The following EXOC4 variants were observed in gnomAD, a reference collection of about 807,000 sequenced individuals.
EXOC4 encodes exocyst complex component 4.
EXOC4 carries 71 observed loss-of-function variants against 107.2 expected under a neutral mutation model. The ratio of observed to expected loss-of-function variants is 0.66; its 90% CI spans 0.55 to 0.81. The LOEUF (loss-of-function observed/expected upper bound fraction) is 0.81, where lower values mean the gene tolerates loss of function less well. Ranked by LOEUF, EXOC4 falls within the 30% of genes least tolerant of loss-of-function variation. The pLI is 0.00. For synonymous variants in EXOC4, 456 were observed against 441.2 expected, an observed-to-expected ratio of 1.03 and a Z score of -0.42; for missense variants, 1,108 against 1,189.6, an observed-to-expected ratio of 0.93 and a Z score of 1.01.
chr7:133,768,847 A>T (rs1796189641), intron 10 of EXOC4, among the ~76,000 whole-genome samples: 1 of 151,914 alleles, frequency 6.6e-6, no homozygotes, highest in Non-Finnish European at 1.5e-5. Flanking sequence ...TAAGTAGATA[A>T]TTATGAAATA....
chr7:133,633,171 T>G (rs969339210), intron 10 of EXOC4, among the ~76,000 whole-genome samples: 1 of 152,144 alleles, frequency 6.6e-6, no homozygotes. Context: ...CACCACATAT[T>G]GGCGAGGACA....
At chr7:133,922,370 T>G (rs1168553143) in intron 13 of EXOC4, among the ~76,000 whole-genome samples, 1 of 152,168 alleles carries the variant, frequency 6.6e-6, no homozygotes, top group East Asian at 1.9e-4. Flanking sequence ...TAGACTAGTT[T>G]AATCTATTTT....
chr7:133,789,611 C>T (rs780826177), intron 10 of EXOC4, among the ~76,000 whole-genome samples: 2 of 152,108 alleles, frequency 1.3e-5, no homozygotes, highest in Non-Finnish European at 1.5e-5. Context: ...TGGTCTACTT[C>T]GATGACTGTA....
At chr7:134,088,369 C>T in the EXOC4 span, among the ~76,000 whole-genome samples, 2 of 152,236 alleles carry the variant, frequency 1.3e-5, no homozygotes, top group East Asian at 1.9e-4. Context: ...TCTGGAGAAA[C>T]TAGGTAAACA....
At chr7:134,004,442 G>A (rs114830430) in intron 15 of EXOC4, among the ~76,000 whole-genome samples, 1 of 152,262 alleles carries the variant, frequency 6.6e-6, no homozygotes, top group African/African-American at 2.4e-5. Context: ...GCTGGTGATT[G>A]AAGCCAAAGT....
intron 14 of EXOC4, among the ~76,000 whole-genome samples, chr7:133,979,200 A>G (rs1372533706): frequency 4.6e-5 from 7 of 152,208 alleles, no homozygotes; most frequent in Non-Finnish European, 1.0e-4. Flanking sequence ...AGGTGAATAT[A>G]ACACAATTTC....
At chr7:133,336,332 C>G (rs771672228) in intron 5 of EXOC4, among the ~76,000 whole-genome samples, 1 of 152,124 alleles carries the variant, frequency 6.6e-6, no homozygotes, top group Admixed American at 6.5e-5. Flanking sequence ...ATGTTTAGGT[C>G]TTGATCCATT....
rs529844748 is a variant in EXOC4 at position 133,406,317 on chromosome 7, T to C, written c.1182+31315T>C. Reference sequence around the variant, plus strand: ...TTGTGGAATACCTTACAGAATCATATCAAGTTTTTAAGAACATGGTTTGAA... The same window carrying C: ...TTGTGGAATACCTTACAGAATCATACCAAGTTTTTAAGAACATGGTTTGAA... On this transcript the variant is annotated intron_variant, in intron 7 of 17. Transcript: ENST00000253861. Among the ~76,000 whole-genome samples the C allele has an allele frequency of 4.2e-4, 64 of 152,318 alleles. No homozygotes were observed. The South Asian group carries it at 0.012, about 30-fold the overall frequency.
At chr7:133,757,703 T>C (rs1241243094) in intron 10 of EXOC4, among the ~76,000 whole-genome samples, 2 of 152,230 alleles carry the variant, frequency 1.3e-5, no homozygotes, top group African/African-American at 4.8e-5. Flanking sequence ...TAAATATGTG[T>C]TTGTTCAGTG....
At chr7:133,416,723 T>C (rs1797483189) in intron 7 of EXOC4, among the ~76,000 whole-genome samples, 1 of 152,156 alleles carries the variant, frequency 6.6e-6, no homozygotes, top group African/African-American at 2.4e-5. Context: ...GGAAAACGTT[T>C]CAGAACACTC....
intron 3 of EXOC4, among the ~76,000 whole-genome samples, chr7:133,296,031 G>T (rs1371508545): frequency 1.5e-4 from 23 of 152,100 alleles, no homozygotes; most frequent in Admixed American, 1.5e-3. Context: ...GATCAATAAT[G>T]AAATAGCCAT....
intron 10 of EXOC4, among the ~76,000 whole-genome samples, chr7:133,649,289 G>A (rs1376386763): frequency 6.6e-6 from 1 of 151,834 alleles, no homozygotes; most frequent in Admixed American, 6.6e-5. Context: ...TACTTTTCCA[G>A]CACCACTTTC....
chr7:133,699,862 A>C (rs1020363231), intron 10 of EXOC4, among the ~76,000 whole-genome samples: 1 of 152,238 alleles, frequency 6.6e-6, no homozygotes, highest in Non-Finnish European at 1.5e-5. Context: ...TATTGTTTGC[A>C]ATAGAAAATG....
At chr7:134,100,029 G>C in the EXOC4 span, among the ~76,000 whole-genome samples, 1 of 151,950 alleles carries the variant, frequency 6.6e-6, no homozygotes, top group Non-Finnish European at 1.5e-5. Context: ...TTCTGCACAG[G>C]TTTCCCTGGT....
At chr7:133,380,265 AAAAT>A (rs997941622) in intron 7 of EXOC4, among the ~76,000 whole-genome samples, 2 of 151,134 alleles carry the variant, frequency 1.3e-5, no homozygotes, top group African/African-American at 4.8e-5. Context: ...AAAATAAAAT[AAAAT>A]AAAATAAAAT....
intron 7 of EXOC4, among the ~76,000 whole-genome samples, chr7:133,387,125 C>G (rs1342977572): frequency 6.6e-6 from 1 of 152,104 alleles, no homozygotes; most frequent in Non-Finnish European, 1.5e-5. Flanking sequence ...CAGTAGGATT[C>G]TAACTGATTC....
chr7:133,641,579 C>T (rs552868322), intron 10 of EXOC4, among the ~76,000 whole-genome samples: 1 of 152,298 alleles, frequency 6.6e-6, no homozygotes, highest in South Asian at 2.1e-4. Context: ...AGTACATCTG[C>T]AGCCTCTCCT....
intron 17 of EXOC4, among the ~76,000 whole-genome samples, chr7:134,062,614 A>G (rs984234410): frequency 2.6e-5 from 4 of 152,118 alleles, no homozygotes; most frequent in African/African-American, 9.7e-5. Context: ...TGGCAAAGTT[A>G]CCTTTCACGT....
chr7:133,414,779 A>G (rs971481048), intron 7 of EXOC4, among the ~76,000 whole-genome samples: 2 of 152,150 alleles, frequency 1.3e-5, no homozygotes, highest in Non-Finnish European at 2.9e-5. Flanking sequence ...TATAAGTTTG[A>G]TACCATACAG....
Sources: allele counts gnomAD v4.1 joint callset (sites outside exome capture counted in the v4.1 genomes callset), GRCh38; gene constraint gnomAD v4.1.1; transcripts MANE v1.5; gene names NCBI Gene and HGNC (gene_info 2026-07-23, HGNC 2026-07-21).